SGCZ: variants seen among roughly 807,000 people sequenced by gnomAD.
SGCZ encodes the protein zeta-sarcoglycan.
In SGCZ, 40 loss-of-function variants were observed where a neutral mutation model predicts 41.3. The ratio of observed to expected loss-of-function variants is 0.97; its 90% CI spans 0.75 to 1.26. The LOEUF (loss-of-function observed/expected upper bound fraction) is 1.26, where lower values mean the gene tolerates loss of function less well. Ranked by LOEUF, SGCZ falls within the 50% of genes most tolerant of loss-of-function variation. The pLI, the probability that SGCZ is intolerant of heterozygous loss-of-function variation, is 0.00. For missense variants in SGCZ, 552 were observed against 369.8 expected, an observed-to-expected ratio of 1.49 and a Z score of -4.04; for synonymous variants, 206 against 137.5, an observed-to-expected ratio of 1.50 and a Z score of -3.49.
chr8:14,801,402 T>A (rs1228750166), intron 1 of SGCZ, among the ~76,000 whole-genome samples: 1 of 152,212 alleles, frequency 6.6e-6, no homozygotes, highest in Non-Finnish European at 1.5e-5. Context: ...TATTTTAGAA[T>A]ATTTACAAAG....
At chr8:14,746,176 G>C (rs1799336011) in intron 1 of SGCZ, among the ~76,000 whole-genome samples, 1 of 151,870 alleles carries the variant, frequency 6.6e-6, no homozygotes, top group African/African-American at 2.4e-5. Context: ...AATATAACAA[G>C]GCATTCAAAC....
rs543650696 is a variant in SGCZ at position 14,760,418 on chromosome 8, C to G, written c.40-205492G>C. On this transcript the variant is annotated intron_variant, in intron 1 of 7. Transcript: ENST00000382080. ...CAATGAAAATCATAAAAGTATCCAC[C>G]CTCTTTGTACAGCCAGATTGGGGGA... Among the ~76,000 whole-genome samples the G allele has an allele frequency of 9.0e-4, 137 of 152,186 alleles. 1 individual carries two copies. Among genetic ancestry groups the G allele is most frequent in the African/African-American group, 3.1e-3 (129 of 41,520 alleles).
At chr8:14,887,962 G>C (rs1804872436) in intron 1 of SGCZ, among the ~76,000 whole-genome samples, 1 of 152,146 alleles carries the variant, frequency 6.6e-6, no homozygotes, top group South Asian at 2.1e-4. Flanking sequence ...AGGGTACAAA[G>C]TTACAGTTCA....
chr8:14,622,507 C>T (rs527636485), intron 1 of SGCZ, among the ~76,000 whole-genome samples: 1 of 152,188 alleles, frequency 6.6e-6, no homozygotes, highest in African/African-American at 2.4e-5. Context: ...ATTTAAATAA[C>T]AAAAAACAAG....
intron 3 of SGCZ, among the ~76,000 whole-genome samples, chr8:14,260,716 G>A (rs1470332243): frequency 6.6e-6 from 1 of 152,180 alleles, no homozygotes; most frequent in African/African-American, 2.4e-5. Context: ...AACCATAATA[G>A]ACTGGATTAA....
chr8:14,979,797 T>A (rs1801603172), intron 1 of SGCZ, among the ~76,000 whole-genome samples: 1 of 152,228 alleles, frequency 6.6e-6, no homozygotes, highest in Admixed American at 6.5e-5. Flanking sequence ...GGGCAGGTGA[T>A]GACAAGTAAT....
intron 5 of SGCZ, among the ~76,000 whole-genome samples, chr8:14,156,013 G>C (rs1024663685): frequency 1.3e-5 from 2 of 152,022 alleles, no homozygotes; most frequent in African/African-American, 4.8e-5. Flanking sequence ...TTAAATAATG[G>C]TACACCCCTA....
intron 1 of SGCZ, among the ~76,000 whole-genome samples, chr8:15,009,681 G>A (rs1166195208): frequency 6.6e-6 from 1 of 152,178 alleles, no homozygotes; most frequent in Non-Finnish European, 1.5e-5. Context: ...GTTCTCGGAA[G>A]ATAACTCTCA....
intron 1 of SGCZ, among the ~76,000 whole-genome samples, chr8:14,558,449 C>A (rs1036007028): frequency 1.3e-5 from 2 of 151,860 alleles, no homozygotes; most frequent in Non-Finnish European, 2.9e-5. Context: ...GTGGTGGGTG[C>A]CTATAATCTT....
At chr8:14,826,875 T>C (rs1303776544) in intron 1 of SGCZ, among the ~76,000 whole-genome samples, 2 of 152,300 alleles carry the variant, frequency 1.3e-5, no homozygotes, top group Admixed American at 1.3e-4. Flanking sequence ...TTTCTCCCAT[T>C]CTGTAGGCTG....
At chr8:14,754,652 G>T (rs1799601629) in intron 1 of SGCZ, among the ~76,000 whole-genome samples, 1 of 152,148 alleles carries the variant, frequency 6.6e-6, no homozygotes, top group Admixed American at 6.5e-5. Flanking sequence ...ATAAATAATG[G>T]TTACATTTAA....
intron 2 of SGCZ, among the ~76,000 whole-genome samples, chr8:14,541,385 C>T (rs1803462530): frequency 6.6e-6 from 1 of 151,938 alleles, no homozygotes; most frequent in African/African-American, 2.4e-5. Flanking sequence ...CGAGTGAGAA[C>T]ATGAGGGGTT....
chr8:14,747,093 G>T lies in SGCZ; in HGVS notation c.40-192167C>A, dbSNP rs374531083. Among the ~76,000 whole-genome samples the T allele has an allele frequency of 5.9e-5, 9 of 152,128 alleles. No individual in the cohort carries two copies. In the South Asian group the frequency reaches 1.9e-3, roughly 32 times the overall value. ...AAGAGTGCTATTTCAATTGGGGTAA[G>T]ATTGTATATTATGTTTCACTCTTAC... On this transcript the variant is annotated intron_variant, in intron 1 of 7. Transcript: ENST00000382080.
chr8:15,207,521 T>G (rs563455690), intron 1 of SGCZ, among the ~76,000 whole-genome samples: 1 of 152,102 alleles, frequency 6.6e-6, no homozygotes, highest in African/African-American at 2.4e-5. Context: ...GGCAGAGAAG[T>G]GGAGCAGACT....
rs182074061 is a variant in SGCZ, at chr8:14,181,903, T to C, written c.425-17201A>G. 2.9e-3 allele frequency among the ~76,000 whole-genome samples: 447 copies of C among 152,330 alleles called. 4 individuals are homozygous for C. In the Middle Eastern group the frequency reaches 0.048, roughly 16 times the overall value. On this transcript the variant is annotated intron_variant, in intron 4 of 7. Coordinates refer to ENST00000382080, the MANE Select transcript of SGCZ (RefSeq NM_139167.4). ...ATAGCCCTGATAAACACAGTAATTTTACAAACACCTTAAATTATTTGTTAA... is the reference window on the plus strand; with the variant it reads ...ATAGCCCTGATAAACACAGTAATTTCACAAACACCTTAAATTATTTGTTAA...
chr8:15,013,523 C>G (rs995760759), intron 1 of SGCZ, among the ~76,000 whole-genome samples: 2 of 152,204 alleles, frequency 1.3e-5, no homozygotes, highest in East Asian at 1.9e-4. Context: ...TCCTCCCTCC[C>G]CTCCTTCCCT....
intron 3 of SGCZ, among the ~76,000 whole-genome samples, chr8:14,280,488 T>C (rs1020814901): frequency 3.3e-5 from 5 of 151,876 alleles, no homozygotes; most frequent in Non-Finnish European, 5.9e-5. Flanking sequence ...AATATAATTT[T>C]ATAATTAATC....
At chr8:15,154,354 G>A (rs145872091) in intron 1 of SGCZ, among the ~76,000 whole-genome samples, 50 of 152,278 alleles carry the variant, frequency 3.3e-4, no homozygotes, top group African/African-American at 1.2e-3. Context: ...CTGGAAAGGA[G>A]CAAAAATGGG....
At chr8:14,229,569 C>G (rs888574572) in intron 4 of SGCZ, among the ~76,000 whole-genome samples, 1 of 151,758 alleles carries the variant, frequency 6.6e-6, no homozygotes, top group Non-Finnish European at 1.5e-5. Flanking sequence ...TTAATCTATC[C>G]TTCAAGATTT....
Sources: gnomAD v4.1 joint callset for allele counts (sites outside exome capture counted in the v4.1 genomes callset) on GRCh38, gnomAD v4.1.1 for gene constraint, MANE v1.5 for transcripts, NCBI Gene and HGNC (gene_info 2026-07-23, HGNC 2026-07-21) for gene names.